GET4: variants seen among roughly 807,000 people sequenced by gnomAD.
GET4 encodes Golgi to ER traffic protein 4 homolog.
Under a neutral mutation model 40.0 loss-of-function variants are expected in GET4, and 20 were observed. The ratio of observed to expected loss-of-function variants is 0.50; its 90% CI spans 0.35 to 0.73. The LOEUF (loss-of-function observed/expected upper bound fraction) is 0.73. Among genes scored for constraint, GET4 ranks in the 30% least tolerant of loss-of-function variants. The pLI, the probability that GET4 is intolerant of heterozygous loss-of-function variation, is 0.01. For synonymous variants in GET4, 280 were observed against 194.6 expected (o/e 1.44, Z -3.65); for missense variants, 557 against 454.0 (o/e 1.23, Z -2.06).
In GET4 at chr7:893,732, T is replaced by C. The variant is rs77318420; in HGVS notation, c.747-8T>C. The C allele has an allele frequency of 0.018, 28,660 of 1,588,282 alleles. 1,034 individuals are homozygous for C. Among genetic ancestry groups the C allele is most frequent in the East Asian group, 0.15 (6,714 of 44,592 alleles). On this transcript the variant is annotated splice_region_variant and splice_polypyrimidine_tract_variant and intron_variant, in intron 6 of 8. Coordinates refer to ENST00000265857, the MANE Select transcript of GET4 (RefSeq NM_015949.3). ...CACCCAGCACATCCCTGTGTGTCTC[T>C]GTCCCAGTGGGAAGCTGACGGTGTT...
chr7:884,388 T>C, intron 1 of GET4: 2 of 1,294,914 alleles, frequency 1.5e-6, no homozygotes, highest in Non-Finnish European at 2.0e-6. Context: ...CCTGCTGTGG[T>C]GTTGGGGTGG....
chr7:877,148 C>T (rs1209643064), intron 1 of GET4, among the ~76,000 whole-genome samples: 1 of 151,844 alleles, frequency 6.6e-6, no homozygotes, highest in Non-Finnish European at 1.5e-5. Context: ...CCTCCCGCCT[C>T]GTCCTTCGGT....
chr7:883,691 C>T (rs975340591), intron 1 of GET4: 4 of 985,780 alleles, frequency 4.1e-6, no homozygotes, highest in South Asian at 4.7e-5. Context: ...GGGAGAAGGC[C>T]CGGCCATGCC....
intron 8 of GET4, 33 bp downstream of exon 8, chr7:894,004 A>G: frequency 2.0e-6 from 3 of 1,470,958 alleles, no homozygotes; most frequent in East Asian, 2.3e-5. Context: ...CACCCACTCC[A>G]GCCCTGGGTC....
intron 1 of GET4, among the ~76,000 whole-genome samples, chr7:877,093 C>T (rs1362351875): frequency 5.3e-5 from 8 of 151,832 alleles, no homozygotes; most frequent in South Asian, 2.1e-4. Context: ...CTGTTCCCTC[C>T]TCCGTCCCCA....
chr7:886,290 G>C, intron 2 of GET4, 156 bp downstream of exon 2: 2 of 623,930 alleles, frequency 3.2e-6, no homozygotes, highest in East Asian at 5.4e-5. Flanking sequence ...GTCCCCCCTG[G>C]CTTGGCTGCT....
intron 1 of GET4, 120 bp from the exon 2 acceptor site, chr7:885,936 T>C: frequency 1.4e-6 from 1 of 711,388 alleles, no homozygotes; most frequent in Admixed American, 2.0e-5. Flanking sequence ...TGGGAGCGGC[T>C]GCTTTTAGGA....
intron 1 of GET4, among the ~76,000 whole-genome samples, chr7:877,202 GC>G: frequency 7.7e-6 from 1 of 130,626 alleles, no homozygotes; most frequent in Admixed American, 7.6e-5. Flanking sequence ...CCTTGGTCTC[GC>G]TCTCTCTCTC....
chr7:883,675 C>T (rs1844129992), intron 1 of GET4: 5 of 985,726 alleles, frequency 5.1e-6, no homozygotes, highest in South Asian at 9.4e-5. Context: ...CATGCAGAGC[C>T]GGGCCGGGAG....
intron 5 of GET4, among the ~76,000 whole-genome samples, chr7:891,637 G>A (rs1264890411): frequency 6.6e-6 from 1 of 152,222 alleles, no homozygotes. Context: ...ACTTGTGCCC[G>A]TCAGTTTCTT....
chr7:891,870 G>A (rs1396136953), intron 5 of GET4, among the ~76,000 whole-genome samples: 1 of 152,274 alleles, frequency 6.6e-6, no homozygotes, highest in African/African-American at 2.4e-5. Flanking sequence ...CTGGGGCACT[G>A]AGCCCTCCCT....
In GET4 at chr7:892,324, A is replaced by G. The variant is rs1430588324; in HGVS notation, c.652A>G (p.Thr218Ala). Residue 218 changes from threonine to alanine, a missense_variant, in exon 6 of 9, where the codon ACG (threonine) becomes GCG (alanine). Transcript: ENST00000265857. ...AAGTAGCGCATCGGTGGTCTTCACG[A>G]CGTACACCCAGAAGCACCCGTCCAT... ...NKSSASVVFT[T>A]YTQKHPSIED... The G allele has an allele frequency of 6.3e-7, 1 of 1,595,702 alleles. No homozygotes were observed. The highest frequency in any genetic ancestry group is 1.7e-5 in the Admixed American group (1 of 59,800).
Position 887,478 on chromosome 7 carries a change from AC to A in GET4, c.430del (p.Arg144GlyfsTer63). On this transcript the variant is annotated frameshift_variant, in exon 4 of 9. Coordinates refer to ENST00000265857, the MANE Select transcript of GET4 (RefSeq NM_015949.3). LOFTEE classifies it high-confidence loss of function. Reference protein sequence around the residue: ...WSSGGSGKLGHPRLHQLLALT... With the variant: ...WSSGGSGKLGXPRLHQLLALT... Reference sequence around the variant, plus strand: ...AGTGGGGGCTCCGGGAAGCTGGGCCACCCCCGGCTGCACCAGCTGCTGGCCC... The same window carrying A: ...AGTGGGGGCTCCGGGAAGCTGGGCCACCCCGGCTGCACCAGCTGCTGGCCC... The A allele has an allele frequency of 5.1e-6, 8 of 1,575,400 alleles. No homozygotes were observed. Among genetic ancestry groups the A allele is most frequent in the East Asian group, 2.3e-5 (1 of 43,674 alleles).
At chr7:894,519 C>T (rs563270312) in intron 8 of GET4, among the ~76,000 whole-genome samples, 148 of 152,264 alleles carry the variant, frequency 9.7e-4, no homozygotes, top group African/African-American at 3.1e-3. Context: ...GGTGCAGCTG[C>T]GTCCTGTGGC....
rs763694700 is a variant in GET4 at position 893,721 on chromosome 7, CTGTG to C, written c.747-15_747-12del. 3 of 1,556,062 alleles carry C rather than the reference CTGTG, an allele frequency of 1.9e-6. No individual in the cohort carries two copies. The highest frequency in any genetic ancestry group is 1.4e-5 in the African/African-American group (1 of 73,672). ...CCTGTTCTGCTCACCCAGCACATCC[CTGTG>C]TGTCTCTGTCCCAGTGGGAAGCTGA... On this transcript the variant is annotated splice_polypyrimidine_tract_variant and intron_variant, in intron 6 of 8. Transcript: ENST00000265857.
intron 1 of GET4, chr7:881,290 G>A (rs939448425): frequency 1.3e-5 from 2 of 152,214 alleles, no homozygotes; most frequent in African/African-American, 4.8e-5. Flanking sequence ...AGACACAGAA[G>A]ATACCACGGC....
intron 4 of GET4, among the ~76,000 whole-genome samples, chr7:888,199 ATTGGAAGC>A (rs1844233894): frequency 6.6e-6 from 1 of 152,134 alleles, no homozygotes; most frequent in Non-Finnish European, 1.5e-5. Flanking sequence ...CAGCCCCCGC[ATTGGAAGC>A]TCTAGGAACT....
In GET4 at chr7:879,045, G is replaced by A. The variant is rs531073689; in HGVS notation, c.155+2245G>A. On this transcript the variant is annotated intron_variant, in intron 1 of 8. Transcript: ENST00000265857. ...GGGGTGCATGCCTGGTGTGTGGGGG[G>A]ATGAGGAACCCCATGAGAGCATCAC... is the stretch of plus-strand genomic sequence containing the variant. Among the ~76,000 whole-genome samples, 7 of 152,308 alleles carry A rather than the reference G, an allele frequency of 4.6e-5. No homozygotes were observed. The East Asian group carries it at 7.7e-4, about 17-fold the overall frequency.
chr7:879,511 G>C (rs987281095), intron 1 of GET4, among the ~76,000 whole-genome samples: 3 of 152,228 alleles, frequency 2.0e-5, no homozygotes, highest in Non-Finnish European at 4.4e-5. Context: ...CTACTGAGCA[G>C]CCCGGGCTCA....
Sources: gnomAD v4.1 joint callset for allele counts (sites outside exome capture counted in the v4.1 genomes callset) on GRCh38, gnomAD v4.1.1 for gene constraint, MANE v1.5 for transcripts, NCBI Gene and HGNC (gene_info 2026-07-23, HGNC 2026-07-21) for gene names.